TP53I3: variants seen among roughly 807,000 people sequenced by gnomAD.
TP53I3 encodes quinone oxidoreductase PIG3.
TP53I3 carries 32 observed loss-of-function variants against 27.7 expected under a neutral mutation model. That is an observed-to-expected ratio of 1.16 (90% CI 0.87 to 1.55). TP53I3 has a LOEUF of 1.55. TP53I3 is among the 40% of genes most tolerant of loss of function. The pLI is 0.00. For synonymous variants in TP53I3, 138 were observed against 167.8 expected (o/e 0.82, Z 1.37); for missense variants, 372 against 412.3 (o/e 0.90, Z 0.85).
At chr2:24,079,911 A>G (rs1439144231) in intron 3 of TP53I3, among the ~76,000 whole-genome samples, 1 of 152,218 alleles carries the variant, frequency 6.6e-6, no homozygotes, top group Non-Finnish European at 1.5e-5. Flanking sequence ...CAAAATAAGT[A>G]CAGTCCCACT....
In TP53I3 at chr2:24,082,933, C is replaced by T. The variant is rs751143927; in HGVS notation, c.358G>A (p.Ala120Thr). ...GCGGTGAGCCAGGCCTCTGGGATGG[C>T]TGCAGCCTGGGTCAGGGTCAATCCC... is the stretch of plus-strand genomic sequence containing the variant. ...PEGLTLTQAA[A>T]IPEAWLTAFQ... The change falls in exon 2 of 5, where the codon GCC (alanine) becomes ACC (threonine). Residue 120 changes from alanine (A) to threonine (T), a missense_variant. Ala to Thr is a moderately conservative substitution (Grantham distance 58). Coordinates refer to ENST00000238721, the MANE Select transcript of TP53I3 (RefSeq NM_004881.5). The T allele has an allele frequency of 1.4e-5, 22 of 1,613,256 alleles. 1 individual carries two copies. The highest frequency in any genetic ancestry group is 1.8e-5 in the Non-Finnish European group (21 of 1,179,840).
chr2:24,077,768 C>T lies in TP53I3; in HGVS notation c.817-7G>A. On this transcript the variant is annotated splice_region_variant and splice_polypyrimidine_tract_variant and intron_variant, in intron 4 of 4. Coordinates refer to ENST00000238721, the MANE Select transcript of TP53I3 (RefSeq NM_004881.5). This position sits in a 1 kb window ranked among gnomAD's most constrained non-coding sequence, Gnocchi z 5.5. ...TCACCAGCATTTGCTTGTACTAAGA[C>T]AAGGGAAAGGAGATCATCAGCCTGG... The T allele has an allele frequency of 6.2e-7, 1 of 1,610,838 alleles. No homozygotes were observed. The highest frequency in any genetic ancestry group is 8.5e-7 in the Non-Finnish European group (1 of 1,178,060).
In TP53I3 at chr2:24,084,597, G is replaced by C. The variant is rs1308857401; in HGVS notation, c.-271C>G. On this transcript the variant is annotated 5_prime_UTR_variant, in exon 1 of 5. Coordinates refer to ENST00000238721, the MANE Select transcript of TP53I3 (RefSeq NM_004881.5). The surrounding 1 kb of genome is among the most constrained non-coding windows in gnomAD (Gnocchi z 8.4). The stretch of plus-strand genomic sequence containing the variant: ...CCCGGAACACAGATGGGAACGGCGG[G>C]AAGTGGGATGGCGGTACAGGGCTGG... The C allele has an allele frequency of 2.4e-6, 1 of 412,482 alleles. No homozygotes were observed. Among genetic ancestry groups the C allele is most frequent in the Non-Finnish European group, 4.3e-6 (1 of 232,454 alleles). The allele number at this position is 412,482 out of a possible 1,614,324, so 25.6% of individuals were successfully genotyped here.
intron 3 of TP53I3, 129 bp from the exon 4 acceptor site, chr2:24,079,769 G>T: frequency 2.4e-6 from 2 of 833,154 alleles, no homozygotes; most frequent in Non-Finnish European, 3.8e-6. Flanking sequence ...TAGAAACACT[G>T]CTTGAAGAAC....
At position 24,080,997 on chromosome 2, in the gene TP53I3, A is replaced by G. The variant is rs1435911584; in HGVS notation, c.441T>C (p.His147=). The G allele has an allele frequency of 6.2e-6, 10 of 1,614,222 alleles. No individual in the cohort carries two copies. The Admixed American group carries it at 1.3e-4, about 22-fold the overall frequency. The part of the protein sequence containing the change: ...NVQAGDYVLI[H]AGLSGVGTAA... ...CTGTGCCCACACCACTCAGTCCTGC[A>G]TGGATTAGCACATAGTCTCCAGCCT... is the stretch of plus-strand genomic sequence containing the variant. The change falls in exon 3 of 5, where the codon CAT becomes CAC. Residue 147 remains histidine, a synonymous_variant. Coordinates refer to ENST00000238721, the MANE Select transcript of TP53I3 (RefSeq NM_004881.5). The surrounding 1 kb of genome is among the most constrained non-coding windows in gnomAD (Gnocchi z 4.7).
chr2:24,082,393 C>T (rs1665044421), intron 2 of TP53I3, among the ~76,000 whole-genome samples: 1 of 152,190 alleles, frequency 6.6e-6, no homozygotes, highest in Non-Finnish European at 1.5e-5. Flanking sequence ...ACCATCTTTA[C>T]TCATCTCCAG....
Position 24,084,430 on chromosome 2 carries a change from T to G in TP53I3, c.-104A>C. 7.3e-7 allele frequency: 1 copy of G among 1,364,062 alleles called. No homozygotes were observed. Among genetic ancestry groups the G allele is most frequent in the Non-Finnish European group, 9.6e-7 (1 of 1,037,476 alleles). The allele number at this position is 1,364,062 out of a possible 1,614,324, so 84.5% of individuals were successfully genotyped here. ...ACAGGACAGGGCAGGGGCCGCTGTA[T>G]CCTCGCGGAGCAGCCCAGCCTCAGG... On this transcript the variant is annotated 5_prime_UTR_variant, in exon 1 of 5. Transcript: ENST00000238721. The surrounding 1 kb of genome is among the most constrained non-coding windows in gnomAD (Gnocchi z 8.4).
rs1416644461 is a variant in TP53I3 at position 24,084,733 on chromosome 2, C to CT, written c.-408dup. 1.9e-5 allele frequency: 3 copies of CT among 161,330 alleles called. No homozygotes were observed. The highest frequency in any genetic ancestry group is 7.2e-5 in the African/African-American group (3 of 41,720). The allele number at this position is 161,330 out of a possible 1,614,324, so 10.0% of individuals were successfully genotyped here. A position where few individuals can be genotyped will look rare whatever the true frequency, so the allele number is the denominator to read the frequency against. The stretch of plus-strand genomic sequence containing the variant: ...CGGCGCCCGTATGAGTTACTTACTC[C>CT]TGGCCCGGCTCCCCTCCCATGCACC... On this transcript the variant is annotated 5_prime_UTR_variant, in exon 1 of 5. An upstream open reading frame in the 5' UTR loses its in-frame stop. Transcript: ENST00000238721. The surrounding 1 kb of genome is among the most constrained non-coding windows in gnomAD (Gnocchi z 8.4).
chr2:24,083,849 C>G (rs1403285802), intron 1 of TP53I3, among the ~76,000 whole-genome samples: 1 of 152,158 alleles, frequency 6.6e-6, no homozygotes, highest in African/African-American at 2.4e-5. Context: ...ACTGCTTAAC[C>G]TCACTGAACT....
Position 24,080,405 on chromosome 2 carries a change from G to A in TP53I3, c.619+414C>T, listed in dbSNP as rs190869895. On this transcript the variant is annotated intron_variant, in intron 3 of 4. Coordinates refer to ENST00000238721, the MANE Select transcript of TP53I3 (RefSeq NM_004881.5). This position sits in a 1 kb window ranked among gnomAD's most constrained non-coding sequence, Gnocchi z 4.7. ...AAAGGGATGAGCCAAAAATAGACAC[G>A]TCTGGCTTTGGAATACAGAGGTGTG... Among the ~76,000 whole-genome samples the A allele has an allele frequency of 7.2e-5, 11 of 151,834 alleles. No homozygotes were observed. Among genetic ancestry groups the A allele is most frequent in the Admixed American group, 5.2e-4 (8 of 15,246 alleles).
In TP53I3 at chr2:24,084,573, C is replaced by A. The variant is rs2150988301; in HGVS notation, c.-247G>T. The A allele has an allele frequency of 4.4e-6, 2 of 453,684 alleles. No individual in the cohort carries two copies. Among genetic ancestry groups the A allele is most frequent in the Admixed American group, 4.2e-5 (1 of 23,980 alleles). 28.1% of individuals were successfully genotyped at this position (453,684 alleles called of 1,614,324 possible). ...TCGGCCGCCTCCAGACCGATCCCAC[C>A]CGGAACACAGATGGGAACGGCGGGA... On this transcript the variant is annotated 5_prime_UTR_variant, in exon 1 of 5. Transcript: ENST00000238721. This position sits in a 1 kb window ranked among gnomAD's most constrained non-coding sequence, Gnocchi z 8.4.
Position 24,079,481 on chromosome 2 carries a change from C to A in TP53I3, c.779G>T (p.Ser260Ile), listed in dbSNP as rs747167542. 2.2e-5 allele frequency: 36 copies of A among 1,614,082 alleles called. No individual in the cohort carries two copies. Among genetic ancestry groups the A allele is most frequent in the Non-Finnish European group, 2.9e-5 (34 of 1,180,042 alleles). ...AGACCTCAGCAAACTGGTGATCAGA[C>A]TTCCTCGCTTAAAAAGTAGCTTTGA... Reference protein sequence around the residue: ...LFSKLLFKRGSLITSLLRSRD... With the variant: ...LFSKLLFKRGILITSLLRSRD... Residue 260 changes from serine to isoleucine, a missense_variant, in exon 4 of 5, where the codon AGT becomes ATT. By Grantham distance (142) the Ser-to-Ile change is moderately radical (BLOSUM62 -2). Transcript: ENST00000238721.
In TP53I3 at chr2:24,084,269, C is replaced by T. The variant is rs1376939568; in HGVS notation, c.58G>A (p.Val20Met). ...CCCTCCCCCGGGCTCGGCTTGGCCA[C>T]CTCCTTCACGTAGAGGTTTTCCGGT... The part of the protein sequence containing the change: ...GGPENLYVKE[V>M]AKPSPGEGEV... The change falls in exon 1 of 5, where the codon GTG becomes ATG. Residue 20 changes from valine (V) to methionine (M), a missense_variant. Coordinates refer to ENST00000238721, the MANE Select transcript of TP53I3 (RefSeq NM_004881.5). The surrounding 1 kb of genome is among the most constrained non-coding windows in gnomAD (Gnocchi z 8.4). The T allele has an allele frequency of 1.9e-6, 3 of 1,613,986 alleles. No individual in the cohort carries two copies. Among genetic ancestry groups the T allele is most frequent in the Non-Finnish European group, 2.5e-6 (3 of 1,179,988 alleles).
intron 3 of TP53I3, 112 bp from the exon 4 acceptor site, chr2:24,079,752 T>C: frequency 9.6e-7 from 1 of 1,041,764 alleles, no homozygotes; most frequent in Non-Finnish European, 1.4e-6. Context: ...AATCTATAGG[T>C]TGGAATTAGA....
At chr2:24,081,400 C>A (rs1034539548) in intron 2 of TP53I3, among the ~76,000 whole-genome samples, 2 of 151,882 alleles carry the variant, frequency 1.3e-5, no homozygotes, top group African/African-American at 4.9e-5. Context: ...AGAACAACTA[C>A]CATTCCCATG....
rs923192472 is a variant in TP53I3, at chr2:24,083,104, G to A, written c.187C>T (p.Leu63Phe). ...TCTGCCACATGTCCAGATGCCTCAA[G>A]TCCCAAAATGTTGCTGGCTCCTGGA... ...PPPGASNILG[L>F]EASGHVAELG... The change falls in exon 2 of 5, where the codon CTT becomes TTT. Residue 63 changes from leucine to phenylalanine, a missense_variant. Transcript: ENST00000238721. 8 of 1,613,810 alleles carry A rather than the reference G, an allele frequency of 5.0e-6. No homozygotes were observed. The highest frequency in any genetic ancestry group is 2.2e-5 in the South Asian group (2 of 91,056).
intron 4 of TP53I3, among the ~76,000 whole-genome samples, chr2:24,078,310 C>T (rs753575510): frequency 2.0e-5 from 3 of 151,734 alleles, no homozygotes; most frequent in African/African-American, 7.3e-5. Flanking sequence ...TTACTTTGGC[C>T]GAATCACTTG....
chr2:24,078,724 C>CTTTAAAG, intron 4 of TP53I3, among the ~76,000 whole-genome samples: 1 of 152,094 alleles, frequency 6.6e-6, no homozygotes, highest in South Asian at 2.1e-4. Flanking sequence ...GTGTCTTTAC[C>CTTTAAAG]CAGGAGGCAG....
chr2:24,079,729 G>T, intron 3 of TP53I3, 89 bp from the exon 4 acceptor site: 1 of 1,250,936 alleles, frequency 8.0e-7, no homozygotes, highest in Non-Finnish European at 1.1e-6. Flanking sequence ...TATAAATACA[G>T]ATGCAAGTGG....
Sources: allele counts gnomAD v4.1 joint callset (sites outside exome capture counted in the v4.1 genomes callset), GRCh38; gene constraint gnomAD v4.1.1; non-coding constraint Gnocchi (gnomAD v3.1); transcripts MANE v1.5; gene names NCBI Gene and HGNC (gene_info 2026-07-23, HGNC 2026-07-21).